CSMD1: variants seen among roughly 807,000 people sequenced by gnomAD.
CSMD1 encodes the protein CUB and sushi domain-containing protein 1.
Under a neutral mutation model 417.5 loss-of-function variants are expected in CSMD1, and 213 were observed. The observed-to-expected ratio is 0.51, with a 90% CI of 0.46 to 0.57. The LOEUF (loss-of-function observed/expected upper bound fraction) is 0.57. CSMD1 is among the 20% of genes least tolerant of loss of function. The probability of loss-of-function intolerance (pLI) is 0.00; values close to 1 mark genes in which losing one functional copy is unlikely to be tolerated. For missense variants in CSMD1, 6,923 were observed against 4,529.7 expected (o/e 1.53, Z -15.17); for synonymous variants, 2,862 against 1,736.8 (o/e 1.65, Z -16.11).
intron 2 of CSMD1, among the ~76,000 whole-genome samples, chr8:4,439,009 C>T (rs1025530338): frequency 6.6e-6 from 1 of 152,124 alleles, no homozygotes; most frequent in South Asian, 2.1e-4. Context: ...ATTTTCATTT[C>T]AGAACTGAAT....
intron 1 of CSMD1, among the ~76,000 whole-genome samples, chr8:4,876,152 G>A (rs966925050): frequency 1.3e-5 from 2 of 152,020 alleles, no homozygotes; most frequent in Non-Finnish European, 2.9e-5. Context: ...ACAAATGACT[G>A]CTTAGTCTAT....
intron 39 of CSMD1, among the ~76,000 whole-genome samples, chr8:3,152,122 G>C (rs140280128): frequency 6.6e-6 from 1 of 152,326 alleles, no homozygotes; most frequent in Non-Finnish European, 1.5e-5. Context: ...TTCAATTTCG[G>C]AAGGCAGCTA....
At chr8:3,314,922 G>A (rs73503735) in intron 23 of CSMD1, among the ~76,000 whole-genome samples, 2,291 of 152,316 alleles carry the variant, frequency 0.015, 55 homozygotes, top group African/African-American at 0.051. Flanking sequence ...AGTTTTTTCA[G>A]CTTCTATCTG....
chr8:4,176,340 T>C (rs1329405147), intron 3 of CSMD1, among the ~76,000 whole-genome samples: 6 of 152,276 alleles, frequency 3.9e-5, no homozygotes, highest in Admixed American at 3.3e-4. Context: ...ACCTTTTAAA[T>C]TGAAAATAAA....
chr8:4,771,089 A>G lies in CSMD1; in HGVS notation c.86-133531T>C, dbSNP rs191322638. Among the ~76,000 whole-genome samples, 966 of 152,356 alleles carry G rather than the reference A, an allele frequency of 6.3e-3. 14 individuals are homozygous for G. Among genetic ancestry groups the G allele is most frequent in the South Asian group, 0.036 (175 of 4,834 alleles). ...AGGAGTTAATATTCAAGATTTGTAA[A>G]TAACTCATAGCACTCAACATATAAC... On this transcript the variant is annotated intron_variant, in intron 1 of 69. Transcript: ENST00000635120.
At chr8:3,394,587 C>T (rs1031036195) in intron 17 of CSMD1, among the ~76,000 whole-genome samples, 8 of 151,510 alleles carry the variant, frequency 5.3e-5, no homozygotes, top group Non-Finnish European at 7.4e-5. Flanking sequence ...AAGTTTCATG[C>T]ACTATATATC....
chr8:4,103,695 T>C (rs146643631), intron 3 of CSMD1, among the ~76,000 whole-genome samples: 4 of 152,142 alleles, frequency 2.6e-5, no homozygotes, highest in Admixed American at 2.0e-4. Context: ...CTGGAGTGAA[T>C]GCTTAAAACC....
At chr8:3,955,059 A>G (rs963688128) in intron 5 of CSMD1, among the ~76,000 whole-genome samples, 1 of 152,196 alleles carries the variant, frequency 6.6e-6, no homozygotes, top group Non-Finnish European at 1.5e-5. Context: ...AGGCAATGCG[A>G]TAATTATGAA....
intron 3 of CSMD1, among the ~76,000 whole-genome samples, chr8:4,374,837 A>G (rs772849954): frequency 7.2e-5 from 11 of 152,086 alleles, no homozygotes; most frequent in African/African-American, 2.7e-4. Context: ...CAAAGTCTAG[A>G]GTGAATTTAA....
At chr8:4,381,025 T>C (rs1344593498) in intron 3 of CSMD1, among the ~76,000 whole-genome samples, 1 of 152,024 alleles carries the variant, frequency 6.6e-6, no homozygotes, top group African/African-American at 2.4e-5. Flanking sequence ...TCAGGGCAAA[T>C]GGGAAATGGG....
At chr8:3,621,853 C>G (rs1245187619) in intron 7 of CSMD1, among the ~76,000 whole-genome samples, 2 of 151,940 alleles carry the variant, frequency 1.3e-5, no homozygotes, top group Non-Finnish European at 2.9e-5. Flanking sequence ...AAACAATTCT[C>G]CCACCTCGAC....
chr8:3,356,504 G>A (rs1252186775), intron 21 of CSMD1, among the ~76,000 whole-genome samples: 12 of 152,068 alleles, frequency 7.9e-5, no homozygotes, highest in African/African-American at 2.9e-4. Context: ...GTGAAACCCC[G>A]TCTTTACTAA....
chr8:3,713,629 A>C (rs1184423372), intron 6 of CSMD1, among the ~76,000 whole-genome samples: 2 of 152,224 alleles, frequency 1.3e-5, no homozygotes, highest in African/African-American at 4.8e-5. Context: ...TCATTAGATA[A>C]TATGACTCAC....
intron 4 of CSMD1, among the ~76,000 whole-genome samples, chr8:4,018,545 T>A (rs2130484784): frequency 6.6e-6 from 1 of 152,300 alleles, no homozygotes; most frequent in African/African-American, 2.4e-5. Flanking sequence ...ACCAGCCAGT[T>A]ACCTGCTTTG....
At chr8:4,094,104 G>C (rs966846466) in intron 3 of CSMD1, among the ~76,000 whole-genome samples, 1 of 151,956 alleles carries the variant, frequency 6.6e-6, no homozygotes, top group Non-Finnish European at 1.5e-5. Context: ...GAGGAAAACG[G>C]CTTCCCCAAC....
chr8:3,742,331 T>C (rs1470481246), intron 6 of CSMD1, among the ~76,000 whole-genome samples: 1 of 152,188 alleles, frequency 6.6e-6, no homozygotes, highest in Non-Finnish European at 1.5e-5. Context: ...AGACAGTCCA[T>C]AACTTACATT....
intron 3 of CSMD1, among the ~76,000 whole-genome samples, chr8:4,062,231 T>C (rs1010402370): frequency 6.6e-6 from 1 of 152,012 alleles, no homozygotes; most frequent in Non-Finnish European, 1.5e-5. Flanking sequence ...TTCACACAAG[T>C]CTAATTTCCT....
intron 12 of CSMD1, among the ~76,000 whole-genome samples, chr8:3,419,376 C>G (rs1017629805): frequency 6.6e-6 from 1 of 152,108 alleles, no homozygotes; most frequent in Non-Finnish European, 1.5e-5. Flanking sequence ...GTGCTGATCA[C>G]CAGATGAAGC....
intron 23 of CSMD1, among the ~76,000 whole-genome samples, chr8:3,323,958 T>G (rs957500995): frequency 2.1e-5 from 3 of 141,598 alleles, no homozygotes; most frequent in Middle Eastern, 8.9e-3. Flanking sequence ...AGGGGGAGTT[T>G]CCTTCACCCC....
Sources: gnomAD v4.1 joint callset for allele counts (sites outside exome capture counted in the v4.1 genomes callset) on GRCh38, gnomAD v4.1.1 for gene constraint, MANE v1.5 for transcripts, NCBI Gene and HGNC (gene_info 2026-07-23, HGNC 2026-07-21) for gene names.